DLD: variants seen among roughly 807,000 people sequenced by gnomAD.
DLD encodes dihydrolipoamide dehydrogenase, also known as dihydrolipoyl dehydrogenase, mitochondrial.
A neutral mutation model predicts 62.2 loss-of-function variants in DLD; 36 were observed. That is an observed-to-expected ratio of 0.58 (90% CI 0.44 to 0.76). The LOEUF (loss-of-function observed/expected upper bound fraction) is 0.76, where lower values mean the gene tolerates loss of function less well. Ranked by LOEUF, DLD falls within the 30% of genes least tolerant of loss-of-function variation. DLD has a pLI of 0.00. For missense variants in DLD, 541 were observed against 608.6 expected (o/e 0.89, Z 1.17); for synonymous variants, 204 against 199.6 (o/e 1.02, Z -0.19).
At chr7:107,915,435 A>T in intron 8 of DLD, 71 bp from the exon 9 acceptor site, 2 of 1,498,048 alleles carry the variant, frequency 1.3e-6, no homozygotes, top group Non-Finnish European at 1.9e-6. Flanking sequence ...ACAATAAATT[A>T]TTAAGATGAT....
intron 1 of DLD, among the ~76,000 whole-genome samples, chr7:107,892,881 C>G (rs1336479339): frequency 2.0e-5 from 3 of 152,086 alleles, no homozygotes; most frequent in Non-Finnish European, 4.4e-5. Flanking sequence ...ATCCCTGGCA[C>G]TAATAATTAG....
intron 2 of DLD, among the ~76,000 whole-genome samples, 170 bp from the exon 3 acceptor site, chr7:107,901,568 A>C (rs1363347190): frequency 6.6e-6 from 1 of 152,218 alleles, no homozygotes; most frequent in African/African-American, 2.4e-5. Context: ...TTTCAGTAGC[A>C]TCAAAGAGCA....
chr7:107,906,105 C>T (rs1167596818), intron 7 of DLD, among the ~76,000 whole-genome samples, 162 bp from the exon 8 acceptor site: 2 of 152,072 alleles, frequency 1.3e-5, no homozygotes, highest in African/African-American at 4.8e-5. Flanking sequence ...ACAAAAAAAC[C>T]ATGTGTACAT....
At chr7:107,900,640 G>A (rs2031854507) in intron 2 of DLD, among the ~76,000 whole-genome samples, 1 of 152,114 alleles carries the variant, frequency 6.6e-6, no homozygotes, top group Admixed American at 6.5e-5. Flanking sequence ...ACCACCGGAA[G>A]TAGAGTCAAA....
In DLD at chr7:107,915,589, G is replaced by T. The variant is rs748817072; in HGVS notation, c.768G>T (p.Glu256Asp). The change falls in exon 9 of 14, where the codon GAG becomes GAT. Residue 256 changes from glutamate to aspartate, a missense_variant. Glu to Asp is a conservative substitution (Grantham distance 45). Coordinates refer to ENST00000205402, the MANE Select transcript of DLD (RefSeq NM_000108.5). ...TAGGTGGAGTTGGAATTGATATGGA[G>T]ATATCTAAAAACTTTCAACGCATCC... Reference protein sequence around the residue: ...GHVGGVGIDMEISKNFQRILQ... With the variant: ...GHVGGVGIDMDISKNFQRILQ... The T allele has an allele frequency of 1.1e-5, 18 of 1,613,728 alleles. No individual in the cohort carries two copies. Among genetic ancestry groups the T allele is most frequent in the Non-Finnish European group, 1.4e-5 (17 of 1,179,848 alleles).
intron 9 of DLD, 50 bp from the exon 10 acceptor site, chr7:107,916,744 T>C: frequency 6.5e-7 from 1 of 1,539,964 alleles, no homozygotes; most frequent in Non-Finnish European, 9.0e-7. Flanking sequence ...TCTAAGCCTA[T>C]CAATTTATGT....
chr7:107,903,797 C>G (rs1228137998), intron 5 of DLD: 7 of 341,284 alleles, frequency 2.1e-5, no homozygotes, highest in South Asian at 2.0e-4. Flanking sequence ...GTTCCTTTGC[C>G]AACTTTTTCC....
chr7:107,908,173 C>A (rs1363129120), intron 8 of DLD, among the ~76,000 whole-genome samples: 11 of 132,676 alleles, frequency 8.3e-5, no homozygotes, highest in Non-Finnish European at 1.6e-5. Flanking sequence ...TTTTTTGAGT[C>A]CGAGTCTTGC....
At chr7:107,893,481 T>G (rs1333172473) in intron 2 of DLD, 1 of 435,272 alleles carries the variant, frequency 2.3e-6, no homozygotes, top group Non-Finnish European at 4.1e-6. Flanking sequence ...CTTATGAAAC[T>G]TGTAATTTGG....
intron 2 of DLD, among the ~76,000 whole-genome samples, chr7:107,900,708 C>G (rs1306667865): frequency 6.6e-6 from 1 of 152,090 alleles, no homozygotes; most frequent in Non-Finnish European, 1.5e-5. Flanking sequence ...GTTAATTGAC[C>G]TCTCTGAACT....
rs1323111920 is a variant in DLD, at chr7:107,920,993, T to A, written c.*1734T>A. 1 of 152,352 alleles carries A rather than the reference T, an allele frequency of 6.6e-6. No individual in the cohort carries two copies. The highest frequency in any genetic ancestry group is 1.5e-5 in the Non-Finnish European group (1 of 68,038). The allele number at this position is 152,352 out of a possible 1,614,324, so 9.4% of individuals were successfully genotyped here. On this transcript the variant is annotated 3_prime_UTR_variant, in exon 14 of 14. Coordinates refer to ENST00000205402, the MANE Select transcript of DLD (RefSeq NM_000108.5). Reference sequence around the variant, plus strand: ...TTAAAAATTTGAAATCCCGGTATCATGTGAAGTGCTGTTTATGTAAATCTC... The same window carrying A: ...TTAAAAATTTGAAATCCCGGTATCAAGTGAAGTGCTGTTTATGTAAATCTC...
intron 2 of DLD, among the ~76,000 whole-genome samples, chr7:107,899,578 T>TA (rs2031826108): frequency 6.6e-6 from 1 of 152,058 alleles, no homozygotes; most frequent in Admixed American, 6.6e-5. Context: ...TACATATACT[T>TA]AAAATCTAAA....
In DLD at chr7:107,905,443, T is replaced by C. The variant is rs778981396; in HGVS notation, c.521T>C (p.Ile174Thr). ...ATKADGGTQV[I>T]DTKNILIATG... The stretch of plus-strand genomic sequence containing the variant: ...AAAGCTGATGGCGGCACTCAGGTTA[T>C]TGATACAAAGAACATTCTTATAGCC... The change falls in exon 7 of 14, where the codon ATT becomes ACT. Residue 174 changes from isoleucine to threonine, a missense_variant. Transcript: ENST00000205402. The C allele has an allele frequency of 1.2e-6, 2 of 1,613,868 alleles. No individual in the cohort carries two copies. The highest frequency in any genetic ancestry group is 1.7e-6 in the Non-Finnish European group (2 of 1,179,776).
chr7:107,896,942 TCTC>T (rs2031741992), intron 2 of DLD, among the ~76,000 whole-genome samples: 1 of 152,030 alleles, frequency 6.6e-6, no homozygotes, highest in African/African-American at 2.4e-5. Flanking sequence ...TTCAAGTGAT[TCTC>T]CTGCCTCAGC....
chr7:107,916,424 C>T (rs2032270252), intron 9 of DLD, among the ~76,000 whole-genome samples: 1 of 152,138 alleles, frequency 6.6e-6, no homozygotes, highest in Non-Finnish European at 1.5e-5. Flanking sequence ...CCTGTAATCC[C>T]AGCATTTTGG....
In DLD at chr7:107,893,207, A is replaced by T. The variant is rs923756396; in HGVS notation, c.47A>T (p.His16Leu). 2.5e-6 allele frequency: 4 copies of T among 1,613,506 alleles called. No individual in the cohort carries two copies. The highest frequency in any genetic ancestry group is 3.4e-6 in the Non-Finnish European group (4 of 1,179,716). The part of the protein sequence containing the change: ...RVYCSLAKRG[H>L]FNRISHGLQG... ...GACATTTTCTTTTTCTAGAGAGGCC[A>T]TTTCAATCGAATATCTCATGGCCTA... is the stretch of plus-strand genomic sequence containing the variant. The change falls in exon 2 of 14, where the codon CAT becomes CTT. Residue 16 changes from histidine (H) to leucine (L), a missense_variant. Transcript: ENST00000205402.
At chr7:107,900,383 CTTA>C (rs2031848739) in intron 2 of DLD, among the ~76,000 whole-genome samples, 1 of 152,018 alleles carries the variant, frequency 6.6e-6, no homozygotes, top group South Asian at 2.1e-4. Context: ...GTATAGAATA[CTTA>C]TTATGTATGC....
At chr7:107,896,884 T>A (rs7804287) in intron 2 of DLD, among the ~76,000 whole-genome samples, 51,564 of 151,632 alleles carry the variant, frequency 0.34, 9,451 homozygotes, top group Non-Finnish European at 0.41. Context: ...TCCCCTAGGC[T>A]GGAGTGCAGT....
intron 8 of DLD, among the ~76,000 whole-genome samples, chr7:107,909,698 CTCT>C (rs1446668419): frequency 1.3e-5 from 2 of 152,198 alleles, no homozygotes; most frequent in African/African-American, 2.4e-5. Context: ...TTAGCAGAAT[CTCT>C]TCTTTTCCAT....
Sources: gnomAD v4.1 joint callset for allele counts (sites outside exome capture counted in the v4.1 genomes callset) on GRCh38, gnomAD v4.1.1 for gene constraint, MANE v1.5 for transcripts, NCBI Gene and HGNC (gene_info 2026-07-23, HGNC 2026-07-21) for gene names.